PPP2R2B: variants seen among roughly 807,000 people sequenced by gnomAD.
PPP2R2B encodes serine/threonine-protein phosphatase 2A 55 kDa regulatory subunit B beta isoform.
Under a neutral mutation model 46.0 loss-of-function variants are expected in PPP2R2B, and 5 were observed. The ratio of observed to expected loss-of-function variants is 0.11; its 90% CI spans 0.06 to 0.23. PPP2R2B has a LOEUF of 0.23. Ranked by LOEUF, PPP2R2B falls within the 10% of genes least tolerant of loss-of-function variation. The pLI is 1.00. For synonymous variants in PPP2R2B, 215 were observed against 206.7 expected (o/e 1.04, Z -0.34); for missense variants, 367 against 575.0 (o/e 0.64, Z 3.70).
At chr5:147,019,949 C>T (rs1268379412) in intron 1 of PPP2R2B, among the ~76,000 whole-genome samples, 1 of 152,148 alleles carries the variant, frequency 6.6e-6, no homozygotes, top group African/African-American at 2.4e-5. Context: ...GGTACTAGAT[C>T]TGGCCATTCC....
intron 2 of PPP2R2B, among the ~76,000 whole-genome samples, chr5:146,805,728 G>T (rs1204357441): frequency 6.6e-6 from 1 of 152,060 alleles, no homozygotes; most frequent in Non-Finnish European, 1.5e-5. Flanking sequence ...TACCTTACTG[G>T]CTAACCAGGC....
At chr5:146,957,088 C>T (rs1215827949) in intron 1 of PPP2R2B, among the ~76,000 whole-genome samples, 1 of 152,172 alleles carries the variant, frequency 6.6e-6, no homozygotes, top group Non-Finnish European at 1.5e-5. Flanking sequence ...ATTGGGAAGA[C>T]ATGAATCACC....
intron 1 of PPP2R2B, among the ~76,000 whole-genome samples, chr5:146,939,419 CA>C (rs1286967922): frequency 1.3e-5 from 2 of 152,162 alleles, no homozygotes; most frequent in African/African-American, 4.8e-5. Flanking sequence ...GGGTGATGAG[CA>C]GAAGTCAAGC....
intron 7 of PPP2R2B, among the ~76,000 whole-genome samples, chr5:146,635,448 A>G (rs987802088): frequency 6.6e-6 from 1 of 151,922 alleles, no homozygotes; most frequent in African/African-American, 2.4e-5. Context: ...CCCTTTTTCT[A>G]TCTTGTGTTC....
chr5:147,055,963 G>A (rs1757069176), exon 1 of PPP2R2B: 2 of 1,382,352 alleles, frequency 1.4e-6, no homozygotes, highest in Admixed American at 5.9e-5. Flanking sequence ...CTCAAACTCA[G>A]AAGCCCCCAA....
At chr5:146,714,383 C>T (rs1308307548) in intron 2 of PPP2R2B, among the ~76,000 whole-genome samples, 1 of 151,920 alleles carries the variant, frequency 6.6e-6, no homozygotes, top group African/African-American at 2.4e-5. Flanking sequence ...ATGTACAACT[C>T]CTTGAAGAGT....
intron 2 of PPP2R2B, among the ~76,000 whole-genome samples, chr5:146,733,767 T>A (rs1046539902): frequency 1.6e-4 from 25 of 152,180 alleles, no homozygotes; most frequent in African/African-American, 6.0e-4. Flanking sequence ...CTATAATTAC[T>A]ATCATGGGTG....
intron 7 of PPP2R2B, among the ~76,000 whole-genome samples, chr5:146,607,511 A>G (rs771471297): frequency 4.6e-5 from 7 of 152,252 alleles, no homozygotes; most frequent in Middle Eastern, 3.2e-3. Flanking sequence ...GACAAGGCAT[A>G]CAATGCATAG....
chr5:146,855,312 G>C (rs1582277166), intron 2 of PPP2R2B, among the ~76,000 whole-genome samples: 1 of 152,186 alleles, frequency 6.6e-6, no homozygotes, highest in East Asian at 1.9e-4. Context: ...AGCAAAACCT[G>C]CTCTTATTAT....
intron 1 of PPP2R2B, among the ~76,000 whole-genome samples, chr5:146,935,853 T>C (rs1269393111): frequency 6.6e-6 from 1 of 152,148 alleles, no homozygotes; most frequent in Non-Finnish European, 1.5e-5. Context: ...ATGCTTGGAC[T>C]CAGATAGAGC....
chr5:146,719,939 T>A (rs1780704130), intron 2 of PPP2R2B, among the ~76,000 whole-genome samples: 1 of 152,164 alleles, frequency 6.6e-6, no homozygotes, highest in Non-Finnish European at 1.5e-5. Flanking sequence ...AGCTGCTCCC[T>A]TTAGAAGGGC....
intron 2 of PPP2R2B, among the ~76,000 whole-genome samples, chr5:146,705,681 A>G (rs190627574): frequency 1.3e-5 from 2 of 152,322 alleles, no homozygotes; most frequent in African/African-American, 2.4e-5. Context: ...TTACCAAAGT[A>G]ACTTACCAAG....
intron 2 of PPP2R2B, among the ~76,000 whole-genome samples, chr5:146,793,587 A>G (rs1158355592): frequency 6.6e-6 from 1 of 152,210 alleles, no homozygotes; most frequent in Non-Finnish European, 1.5e-5. Context: ...ATCACACAAC[A>G]GCTTGGCCAA....
At chr5:146,629,749 C>T (rs1774301737) in intron 7 of PPP2R2B, among the ~76,000 whole-genome samples, 1 of 151,168 alleles carries the variant, frequency 6.6e-6, no homozygotes, top group East Asian at 2.0e-4. Flanking sequence ...CTTCCTCCCT[C>T]CCTCCCCTTT....
chr5:146,857,311 A>G (rs540189586), intron 2 of PPP2R2B, among the ~76,000 whole-genome samples: 1 of 152,338 alleles, frequency 6.6e-6, no homozygotes, highest in Non-Finnish European at 1.5e-5. Flanking sequence ...ATAAGAAGAA[A>G]TATTCAAAAT....
At chr5:146,686,854 C>T (rs11167942) in intron 5 of PPP2R2B, among the ~76,000 whole-genome samples, 82,481 of 151,932 alleles carry the variant, frequency 0.54, 24,808 homozygotes, top group African/African-American at 0.82. Context: ...TAACGATGAG[C>T]TCCCATTACC....
At chr5:146,920,752 C>A (rs1763574404) in intron 1 of PPP2R2B, among the ~76,000 whole-genome samples, 1 of 152,008 alleles carries the variant, frequency 6.6e-6, no homozygotes, top group South Asian at 2.1e-4. Flanking sequence ...CTGTTGTGTC[C>A]TTTTATGCTG....
rs1026875892 is a variant in PPP2R2B, at chr5:147,081,017, C to A, written c.50+42G>T. The A allele has an allele frequency of 2.9e-5, 44 of 1,506,118 alleles. 1 individual carries two copies. In the Middle Eastern group the frequency reaches 1.0e-3, roughly 36 times the overall value. The allele number at this position is 1,506,118 out of a possible 1,614,324, so 93.3% of individuals were successfully genotyped here. A position where few individuals can be genotyped will look rare whatever the true frequency, so the allele number is the denominator to read the frequency against. On this transcript the variant is annotated intron_variant, in intron 2 of 10. Transcript: ENST00000394413. ...TTTTTAATTTTGAAATCAGCACAAACTCCCAAGGAGGCAAGGAAAAGGGCA... is the reference window on the plus strand; with the variant it reads ...TTTTTAATTTTGAAATCAGCACAAAATCCCAAGGAGGCAAGGAAAAGGGCA...
intron 1 of PPP2R2B, among the ~76,000 whole-genome samples, chr5:146,891,616 T>C (rs1762493488): frequency 1.3e-5 from 2 of 152,214 alleles, no homozygotes; most frequent in African/African-American, 4.8e-5. Flanking sequence ...GCCTACTATG[T>C]GCTTAGCACT....
Sources: gnomAD v4.1 joint callset for allele counts (sites outside exome capture counted in the v4.1 genomes callset) on GRCh38, gnomAD v4.1.1 for gene constraint, MANE v1.5 for transcripts, NCBI Gene and HGNC (gene_info 2026-07-23, HGNC 2026-07-21) for gene names.